Variants in EIPR1 observed in about 807,000 individuals in gnomAD.
The protein encoded by EIPR1 is EARP and GARP complex-interacting protein 1.
In EIPR1, 25 loss-of-function variants were observed where a neutral mutation model predicts 48.1. The ratio of observed to expected loss-of-function variants is 0.52; its 90% CI spans 0.38 to 0.73. The LOEUF is 0.73. EIPR1 is among the 30% of genes least tolerant of loss of function. The probability of loss-of-function intolerance (pLI) is 0.00; values close to 1 mark genes in which losing one functional copy is unlikely to be tolerated. For synonymous variants in EIPR1, 204 were observed against 201.9 expected (o/e 1.01, Z -0.09); for missense variants, 415 against 506.2 (o/e 0.82, Z 1.73).
intron 2 of EIPR1, among the ~76,000 whole-genome samples, chr2:3,346,031 C>T (rs1444979200): frequency 6.6e-6 from 1 of 152,208 alleles, no homozygotes; most frequent in South Asian, 2.1e-4. Flanking sequence ...ACCCTATGAT[C>T]CAGAGTCCAC....
At chr2:3,210,667 G>C (rs1412520648) in intron 5 of EIPR1, among the ~76,000 whole-genome samples, 1 of 125,652 alleles carries the variant, frequency 8.0e-6, no homozygotes, top group Non-Finnish European at 1.6e-5. Context: ...GTCTCGCTCT[G>C]TCGCCAGGCT....
chr2:3,322,017 C>T lies in EIPR1; in HGVS notation c.259+16000G>A, dbSNP rs112144544. Reference sequence around the variant, plus strand: ...CTCGACAGCATCTTATCCGAGGGATCGGTGGTGAATTCCACCCTCACTTCA... The same window carrying T: ...CTCGACAGCATCTTATCCGAGGGATTGGTGGTGAATTCCACCCTCACTTCA... On this transcript the variant is annotated intron_variant, in intron 3 of 8. Transcript: ENST00000382125. Among the ~76,000 whole-genome samples the T allele has an allele frequency of 9.1e-3, 1,385 of 152,342 alleles. 13 individuals carry two copies. Among genetic ancestry groups the T allele is most frequent in the Non-Finnish European group, 0.014 (933 of 68,036 alleles).
intron 1 of EIPR1, among the ~76,000 whole-genome samples, chr2:3,357,586 T>C (rs1558318650): frequency 6.6e-6 from 1 of 152,220 alleles, no homozygotes; most frequent in Non-Finnish European, 1.5e-5. Context: ...TCAAACTGTG[T>C]TCAAATAAGG....
At chr2:3,367,975 G>T (rs1671017117) in intron 1 of EIPR1, among the ~76,000 whole-genome samples, 1 of 152,174 alleles carries the variant, frequency 6.6e-6, no homozygotes, top group African/African-American at 2.4e-5. Context: ...AACCCGGGAG[G>T]CGGAGCTTGC....
At chr2:3,258,527 C>T (rs1183619314) in intron 3 of EIPR1, among the ~76,000 whole-genome samples, 1 of 151,960 alleles carries the variant, frequency 6.6e-6, no homozygotes, top group Non-Finnish European at 1.5e-5. Flanking sequence ...ATGGGTAGTA[C>T]AAGAAGGAAA....
At chr2:3,335,509 A>T (rs1444474954) in intron 3 of EIPR1, among the ~76,000 whole-genome samples, 1 of 152,162 alleles carries the variant, frequency 6.6e-6, no homozygotes, top group Non-Finnish European at 1.5e-5. Flanking sequence ...AGGAGAGGGC[A>T]AACGGGGAAG....
intron 3 of EIPR1, 196 bp from the exon 4 acceptor site, chr2:3,257,651 A>G: frequency 2.0e-6 from 1 of 489,166 alleles, no homozygotes. Flanking sequence ...ACGGTTCGTA[A>G]TCAGCATCCT....
At position 3,195,371 on chromosome 2, in the gene EIPR1, G is replaced by C. The variant is rs908218473; in HGVS notation, c.654-1205C>G. Among the ~76,000 whole-genome samples, 7 of 152,332 alleles carry C rather than the reference G, an allele frequency of 4.6e-5. No individual in the cohort carries two copies. The East Asian group carries it at 9.6e-4, about 21-fold the overall frequency. ...GGCTGATGAGCAATGGGAAACTTCT[G>C]TGCCTTGTAATTTGCTTCCTTTATC... On this transcript the variant is annotated intron_variant, in intron 6 of 8. Transcript: ENST00000382125.
chr2:3,353,565 T>G (rs530051676), intron 2 of EIPR1, among the ~76,000 whole-genome samples: 1 of 152,204 alleles, frequency 6.6e-6, no homozygotes, highest in Admixed American at 6.5e-5. Context: ...CAACCTAACA[T>G]TCACGCATTT....
intron 4 of EIPR1, among the ~76,000 whole-genome samples, chr2:3,239,800 C>G (rs1029272487): frequency 5.3e-5 from 8 of 152,258 alleles, no homozygotes; most frequent in Non-Finnish European, 2.9e-5. Flanking sequence ...CTAGGCTTCT[C>G]CTAACTCTTA....
intron 4 of EIPR1, among the ~76,000 whole-genome samples, chr2:3,225,476 G>A (rs1305745656): frequency 6.6e-6 from 1 of 152,072 alleles, no homozygotes; most frequent in Non-Finnish European, 1.5e-5. Context: ...GAACTCCTGG[G>A]CTCAAGCAAT....
At chr2:3,300,208 A>G (rs1668725610) in intron 3 of EIPR1, among the ~76,000 whole-genome samples, 1 of 152,252 alleles carries the variant, frequency 6.6e-6, no homozygotes, top group South Asian at 2.1e-4. Flanking sequence ...TGAATGTCCT[A>G]TATTATGGAA....
Position 3,227,637 on chromosome 2 carries a change from C to A in EIPR1, c.417-13389G>T, listed in dbSNP as rs181832148. Among the ~76,000 whole-genome samples, 4 of 152,328 alleles carry A rather than the reference C, an allele frequency of 2.6e-5. No homozygotes were observed. In the East Asian group the frequency reaches 7.7e-4, roughly 29 times the overall value. On this transcript the variant is annotated intron_variant, in intron 4 of 8. Transcript: ENST00000382125. ...ACCAACACAATGGGGAAAATTTCTC[C>A]AGGGCATGTCAGAGACCTTCATGGA... is the stretch of plus-strand genomic sequence containing the variant.
intron 3 of EIPR1, among the ~76,000 whole-genome samples, chr2:3,303,962 C>G (rs1253526414): frequency 6.6e-6 from 1 of 152,148 alleles, no homozygotes; most frequent in Non-Finnish European, 1.5e-5. Flanking sequence ...CTCATAAAAC[C>G]CTATCACTCA....
At chr2:3,197,050 A>T (rs1664837506) in intron 5 of EIPR1, 33 bp from the exon 6 acceptor site, 1 of 1,611,008 alleles carries the variant, frequency 6.2e-7, no homozygotes, top group South Asian at 1.1e-5. Flanking sequence ...CAAAGGAAGA[A>T]GAAAAGAAGA....
At chr2:3,227,392 C>T (rs555420860) in intron 4 of EIPR1, among the ~76,000 whole-genome samples, 1 of 152,316 alleles carries the variant, frequency 6.6e-6, no homozygotes, top group African/African-American at 2.4e-5. Context: ...ATTTTGCCCC[C>T]ACCTGAGAGA....
chr2:3,372,347 C>G (rs1325346425), intron 1 of EIPR1, among the ~76,000 whole-genome samples: 1 of 150,576 alleles, frequency 6.6e-6, no homozygotes, highest in Admixed American at 6.6e-5. Flanking sequence ...CAAACACATT[C>G]AAAAGCTAGC....
At chr2:3,362,341 C>T (rs1670870996) in intron 1 of EIPR1, among the ~76,000 whole-genome samples, 2 of 152,178 alleles carry the variant, frequency 1.3e-5, no homozygotes, top group African/African-American at 4.8e-5. Context: ...CCTCCCAGCC[C>T]CACACCCAAT....
intron 1 of EIPR1, among the ~76,000 whole-genome samples, chr2:3,362,354 C>G (rs1413833880): frequency 6.6e-6 from 1 of 152,176 alleles, no homozygotes; most frequent in East Asian, 1.9e-4. Flanking sequence ...CACCCAATAC[C>G]TGGGCTCTGG....
Sources: gnomAD v4.1 joint callset for allele counts (sites outside exome capture counted in the v4.1 genomes callset) on GRCh38, gnomAD v4.1.1 for gene constraint, MANE v1.5 for transcripts, NCBI Gene and HGNC (gene_info 2026-07-23, HGNC 2026-07-21) for gene names.